BBX: variants seen among roughly 807,000 people sequenced by gnomAD.
The protein encoded by BBX is HMG box transcription factor BBX.
In BBX, 30 loss-of-function variants were observed where a neutral mutation model predicts 100.2. The ratio of observed to expected loss-of-function variants is 0.30; its 90% confidence interval spans 0.22 to 0.41. The LOEUF (loss-of-function observed/expected upper bound fraction) is 0.41, where lower values mean the gene tolerates loss of function less well. Ranked by LOEUF, BBX falls within the 10% of genes least tolerant of loss-of-function variation. The pLI, the probability that BBX is intolerant of heterozygous loss-of-function variation, is 1.00. For synonymous variants in BBX, 376 were observed against 388.1 expected (o/e 0.97, Z 0.37); for missense variants, 1,023 against 1,129.8 (o/e 0.91, Z 1.35).
At chr3:107,784,008 TCTTA>T (rs1345689107) in intron 13 of BBX, among the ~76,000 whole-genome samples, 5 of 152,038 alleles carry the variant, frequency 3.3e-5, no homozygotes, top group Non-Finnish European at 7.4e-5. Flanking sequence ...TTTCTTGAGC[TCTTA>T]CTTTGTGATA....
intron 3 of BBX, among the ~76,000 whole-genome samples, chr3:107,693,254 T>C (rs1012435722): frequency 2.0e-5 from 3 of 151,874 alleles, no homozygotes; most frequent in African/African-American, 4.9e-5. Flanking sequence ...GTTGGTGTTT[T>C]AGACATGAAG....
intron 3 of BBX, among the ~76,000 whole-genome samples, chr3:107,709,101 A>G (rs986448687): frequency 1.3e-5 from 2 of 152,188 alleles, no homozygotes; most frequent in African/African-American, 4.8e-5. Context: ...ATTATTTAAT[A>G]AATGGTATTG....
chr3:107,623,627 G>A (rs1159189985), intron 2 of BBX, among the ~76,000 whole-genome samples: 1 of 152,110 alleles, frequency 6.6e-6, no homozygotes, highest in Non-Finnish European at 1.5e-5. Flanking sequence ...GGGTCTGAAG[G>A]TTGTATAATT....
intron 3 of BBX, among the ~76,000 whole-genome samples, chr3:107,692,523 C>A (rs1380143333): frequency 6.6e-6 from 1 of 152,180 alleles, no homozygotes; most frequent in African/African-American, 2.4e-5. Context: ...AGGACATGAA[C>A]TCATCATTTT....
At chr3:107,687,939 C>A (rs1161997253) in intron 3 of BBX, among the ~76,000 whole-genome samples, 1 of 152,034 alleles carries the variant, frequency 6.6e-6, no homozygotes, top group East Asian at 1.9e-4. Context: ...TCTGTAATCC[C>A]AGCTACTCTG....
At position 107,577,827 on chromosome 3, in the gene BBX, G is replaced by T. The variant is rs190108196; in HGVS notation, c.-84+51429G>T. 5.3e-5 allele frequency among the ~76,000 whole-genome samples: 8 copies of T among 152,212 alleles called. No homozygotes were observed. The East Asian group carries it at 7.7e-4, about 15-fold the overall frequency. On this transcript the variant is annotated intron_variant, in intron 2 of 17. Transcript: ENST00000325805. ...GTGCTTAGTGACTGATGTGGTGTGG[G>T]TATTGCAGTAAGGAGGCTCACCAAG... is the stretch of plus-strand genomic sequence containing the variant.
At chr3:107,721,455 C>G (rs1185301050) in intron 5 of BBX, among the ~76,000 whole-genome samples, 1 of 151,882 alleles carries the variant, frequency 6.6e-6, no homozygotes, top group Non-Finnish European at 1.5e-5. Flanking sequence ...TTGGCTACTT[C>G]TAATCAAATG....
At chr3:107,580,910 C>T (rs1377697744) in intron 2 of BBX, among the ~76,000 whole-genome samples, 3 of 152,180 alleles carry the variant, frequency 2.0e-5, no homozygotes, top group Non-Finnish European at 4.4e-5. Context: ...GCATTGTAGG[C>T]GTGAGCCGTC....
chr3:107,565,481 G>GTATT (rs1559817866), intron 2 of BBX, among the ~76,000 whole-genome samples: 1 of 133,470 alleles, frequency 7.5e-6, no homozygotes, highest in Non-Finnish European at 1.6e-5. Context: ...ATTTATTTAT[G>GTATT]TATGTTTGAG....
At chr3:107,730,325 A>T (rs2063227250) in intron 6 of BBX, among the ~76,000 whole-genome samples, 1 of 152,146 alleles carries the variant, frequency 6.6e-6, no homozygotes, top group African/African-American at 2.4e-5. Flanking sequence ...TTCCCAGGTT[A>T]TATCAGTTGG....
intron 12 of BBX, among the ~76,000 whole-genome samples, chr3:107,776,052 A>G (rs1294937091): frequency 6.6e-6 from 1 of 152,162 alleles, no homozygotes; most frequent in Non-Finnish European, 1.5e-5. Flanking sequence ...GTGTCAAATC[A>G]TAGTGTAAAT....
intron 2 of BBX, among the ~76,000 whole-genome samples, chr3:107,638,778 TATACACACACACAC>T (rs1559904205): frequency 4.6e-5 from 1 of 21,628 alleles, no homozygotes; most frequent in Non-Finnish European, 9.1e-5. Context: ...AAAAAAAAAG[TATACACACACACAC>T]ACACACACAC....
chr3:107,697,125 T>G (rs544716170), intron 3 of BBX, among the ~76,000 whole-genome samples: 1 of 151,908 alleles, frequency 6.6e-6, no homozygotes, highest in South Asian at 2.1e-4. Flanking sequence ...GTTTTCAACT[T>G]CTTTGCCTTT....
rs2047731171 is a variant in BBX, at chr3:107,525,854, G to A, written c.-155-473G>A. On this transcript the variant is annotated intron_variant, in intron 1 of 17. Transcript: ENST00000325805. ...GGCCGCCCAGGTCTGAAAGGCTGAG[G>A]GCTTCGATACCTGGACCCGCTGCCG... is the stretch of plus-strand genomic sequence containing the variant. Among the ~76,000 whole-genome samples, 4 of 152,284 alleles carry A rather than the reference G, an allele frequency of 2.6e-5. No individual in the cohort carries two copies. In the South Asian group the frequency reaches 8.3e-4, roughly 32 times the overall value.
intron 5 of BBX, 139 bp from the exon 6 acceptor site, chr3:107,728,626 C>A: frequency 1.4e-6 from 1 of 697,278 alleles, no homozygotes; most frequent in Non-Finnish European, 2.4e-6. Context: ...GATTGTCATT[C>A]TTCTACAAGG....
At chr3:107,606,161 A>G (rs979378429) in intron 2 of BBX, among the ~76,000 whole-genome samples, 3 of 152,244 alleles carry the variant, frequency 2.0e-5, no homozygotes, top group African/African-American at 4.8e-5. Context: ...CAGTTTGTAT[A>G]TGTATCTAAC....
At chr3:107,643,666 A>G (rs1356790158) in intron 2 of BBX, among the ~76,000 whole-genome samples, 1 of 151,620 alleles carries the variant, frequency 6.6e-6, no homozygotes, top group Admixed American at 6.6e-5. Flanking sequence ...TACTTAGGGC[A>G]TTTCCCCCTG....
At chr3:107,761,419 G>A (rs2065892913) in intron 10 of BBX, among the ~76,000 whole-genome samples, 1 of 152,202 alleles carries the variant, frequency 6.6e-6, no homozygotes, top group South Asian at 2.1e-4. Flanking sequence ...GCTATGTATG[G>A]AATGGAGTGG....
At chr3:107,751,152 G>A (rs1036289343) in intron 9 of BBX, among the ~76,000 whole-genome samples, 16 of 152,168 alleles carry the variant, frequency 1.1e-4, no homozygotes, top group African/African-American at 3.4e-4. Flanking sequence ...GGAACTTCAC[G>A]GTGGAAGGGT....
Sources: allele counts gnomAD v4.1 joint callset (sites outside exome capture counted in the v4.1 genomes callset), GRCh38; gene constraint gnomAD v4.1.1; transcripts MANE v1.5; gene names NCBI Gene and HGNC (gene_info 2026-07-23, HGNC 2026-07-21).